The following RAB31 variants were observed in gnomAD, a reference collection of about 807,000 sequenced individuals.
RAB31 encodes the protein ras-related protein Rab-31.
RAB31 carries 21 observed loss-of-function variants against 25.6 expected under a neutral mutation model. The ratio of observed to expected loss-of-function variants is 0.82; its 90% CI spans 0.58 to 1.18. The LOEUF (loss-of-function observed/expected upper bound fraction) is 1.18. Among genes scored for constraint, RAB31 ranks in the 50% most tolerant of loss-of-function variants. The pLI, the probability that RAB31 is intolerant of heterozygous loss-of-function variation, is 0.00. For missense variants in RAB31, 196 were observed against 250.1 expected (o/e 0.78, Z 1.46); for synonymous variants, 87 against 84.0 (o/e 1.04, Z -0.20).
chr18:9,719,088 G>C (rs1464622575), intron 1 of RAB31, among the ~76,000 whole-genome samples: 1 of 150,920 alleles, frequency 6.6e-6, no homozygotes, highest in Non-Finnish European at 1.5e-5. Context: ...TGGCCAACAT[G>C]GTGAAACCCC....
intron 1 of RAB31, among the ~76,000 whole-genome samples, chr18:9,746,937 A>G (rs2068208831): frequency 6.6e-6 from 1 of 152,270 alleles, no homozygotes; most frequent in Non-Finnish European, 1.5e-5. Flanking sequence ...TCAAAATTAA[A>G]AACGTGCATC....
chr18:9,726,474 C>T (rs939352761), intron 1 of RAB31, among the ~76,000 whole-genome samples: 2 of 152,116 alleles, frequency 1.3e-5, no homozygotes, highest in African/African-American at 2.4e-5. Context: ...TGACAGTTTG[C>T]GTAGATAATG....
chr18:9,832,591 G>A (rs1055522307), intron 5 of RAB31, among the ~76,000 whole-genome samples: 13 of 152,240 alleles, frequency 8.5e-5, no homozygotes, highest in African/African-American at 3.1e-4. Context: ...GGCCGCGAAT[G>A]TCGGAGTGAA....
chr18:9,731,690 C>T (rs968045966), intron 1 of RAB31, among the ~76,000 whole-genome samples: 7 of 151,308 alleles, frequency 4.6e-5, no homozygotes, highest in Non-Finnish European at 1.0e-4. Flanking sequence ...CTCTGCCTTC[C>T]GGGTTCACGA....
At chr18:9,848,005 G>A (rs11872467) in intron 6 of RAB31, among the ~76,000 whole-genome samples, 4,870 of 152,054 alleles carry the variant, frequency 0.032, 250 homozygotes, top group African/African-American at 0.11. Context: ...CTCAAACATG[G>A]GTAATTATGG....
intron 1 of RAB31, among the ~76,000 whole-genome samples, chr18:9,750,916 CA>C (rs1163506786): frequency 2.6e-5 from 4 of 152,120 alleles, no homozygotes; most frequent in African/African-American, 9.7e-5. Flanking sequence ...TCCCCAGGGT[CA>C]AAACGTGAAC....
In RAB31 at chr18:9,851,257, A is replaced by G. The variant is rs1430811253; in HGVS notation, c.490+5566A>G. On this transcript the variant is annotated intron_variant, in intron 6 of 6. Coordinates refer to ENST00000578921, the MANE Select transcript of RAB31 (RefSeq NM_006868.4). The stretch of plus-strand genomic sequence containing the variant: ...CAGACTTTCTTACACCAAGAAAGTT[A>G]ATTTAGTGAATGTAAAATAATGTCA... Among the ~76,000 whole-genome samples, 5 of 152,232 alleles carry G rather than the reference A, an allele frequency of 3.3e-5. No homozygotes were observed. In the East Asian group the frequency reaches 9.6e-4, roughly 29 times the overall value.
rs573039349 is a variant in RAB31 at position 9,790,405 on chromosome 18, A to AGT, written c.120-1749_120-1748insGT. Among the ~76,000 whole-genome samples, 110 of 149,106 alleles carry AGT rather than the reference A, an allele frequency of 7.4e-4. 1 individual carries two copies. Among genetic ancestry groups the AGT allele is most frequent in the Admixed American group, 3.5e-3 (52 of 14,948 alleles). ...ATGCTCAGCTGATTTAAAAAAAAAA[A>AGT]TTTTTTTTTTTGTAAAGAAGGAGTC... On this transcript the variant is annotated intron_variant, in intron 2 of 6. Coordinates refer to ENST00000578921, the MANE Select transcript of RAB31 (RefSeq NM_006868.4).
rs935572098 is a variant in RAB31 at position 9,766,871 on chromosome 18, T to C, written c.40-8407T>C. On this transcript the variant is annotated intron_variant, in intron 1 of 6. Transcript: ENST00000578921. The surrounding 1 kb of genome is among the most constrained non-coding windows in gnomAD (Gnocchi z 4.3). ...ACTTGGGAGGGTGAGACAGGAGGATTTCTTGAGCCTGGAAGGAGTAGGTTG... is the reference window on the plus strand; with the variant it reads ...ACTTGGGAGGGTGAGACAGGAGGATCTCTTGAGCCTGGAAGGAGTAGGTTG... Among the ~76,000 whole-genome samples the C allele has an allele frequency of 6.6e-6, 1 of 152,060 alleles. No individual in the cohort carries two copies. Among genetic ancestry groups the C allele is most frequent in the Non-Finnish European group, 1.5e-5 (1 of 68,008 alleles).
At chr18:9,743,949 C>T (rs1243422683) in intron 1 of RAB31, among the ~76,000 whole-genome samples, 2 of 152,338 alleles carry the variant, frequency 1.3e-5, no homozygotes, top group East Asian at 1.9e-4. Context: ...CCAGGCTCCA[C>T]TTACCTCCTC....
chr18:9,727,044 C>A (rs1315294244), intron 1 of RAB31, among the ~76,000 whole-genome samples: 1 of 152,106 alleles, frequency 6.6e-6, no homozygotes, highest in Non-Finnish European at 1.5e-5. Flanking sequence ...ACTAAGATGG[C>A]ATTAATAGAC....
intron 1 of RAB31, among the ~76,000 whole-genome samples, chr18:9,749,063 G>A (rs1437286454): frequency 1.3e-5 from 2 of 152,116 alleles, no homozygotes; most frequent in African/African-American, 2.4e-5. Context: ...ATGGTTATGT[G>A]CATATGCTGA....
chr18:9,790,559 T>C (rs1568179833), intron 2 of RAB31, among the ~76,000 whole-genome samples: 1 of 152,148 alleles, frequency 6.6e-6, no homozygotes, highest in African/African-American at 2.4e-5. Flanking sequence ...AAAGCTGTTT[T>C]CCCCCTAATC....
rs894822093 is a variant in RAB31 at position 9,828,282 on chromosome 18, G to T, written c.380+13060G>T. 2.0e-5 allele frequency among the ~76,000 whole-genome samples: 3 copies of T among 152,288 alleles called. No homozygotes were observed. The East Asian group carries it at 5.8e-4, about 29-fold the overall frequency. ...GCTGGCCAGGATGGTGCCCGCCTCG[G>T]CTTCCCCATTGCCAGGCAGTCAGAA... On this transcript the variant is annotated intron_variant, in intron 5 of 6. Transcript: ENST00000578921.
intron 1 of RAB31, among the ~76,000 whole-genome samples, chr18:9,737,258 TTTTAA>T (rs1293197635): frequency 1.3e-5 from 2 of 152,332 alleles, no homozygotes; most frequent in East Asian, 3.8e-4. Flanking sequence ...ATTCCATCTG[TTTTAA>T]TTTAAGATTC....
intron 1 of RAB31, among the ~76,000 whole-genome samples, chr18:9,770,598 C>A (rs1291421623): frequency 6.6e-6 from 1 of 152,126 alleles, no homozygotes; most frequent in Admixed American, 6.5e-5. Context: ...TCTCTGATAT[C>A]GACTATACAA....
intron 6 of RAB31, among the ~76,000 whole-genome samples, chr18:9,852,897 A>T (rs2068796270): frequency 6.6e-6 from 1 of 152,190 alleles, no homozygotes; most frequent in Admixed American, 6.5e-5. Flanking sequence ...AACGCTTGGT[A>T]CCGTCGGTTT....
At chr18:9,733,244 A>G (rs1288976156) in intron 1 of RAB31, among the ~76,000 whole-genome samples, 1 of 152,210 alleles carries the variant, frequency 6.6e-6, no homozygotes, top group Non-Finnish European at 1.5e-5. Flanking sequence ...TTAACATGCA[A>G]TATATTGGAA....
At chr18:9,856,531 G>A (rs1429451860) in intron 6 of RAB31, among the ~76,000 whole-genome samples, 1 of 152,154 alleles carries the variant, frequency 6.6e-6, no homozygotes, top group Non-Finnish European at 1.5e-5. Flanking sequence ...TAAAGTCATG[G>A]AGGGCTAAAA....
Sources: gnomAD v4.1 joint callset for allele counts (sites outside exome capture counted in the v4.1 genomes callset) on GRCh38, gnomAD v4.1.1 for gene constraint, Gnocchi (gnomAD v3.1) non-coding constraint, MANE v1.5 for transcripts, NCBI Gene and HGNC (gene_info 2026-07-23, HGNC 2026-07-21) for gene names.